The following EVI5 variants were observed in gnomAD, a reference collection of about 807,000 sequenced individuals.
The protein encoded by EVI5 is ecotropic viral integration site 5, also known as ecotropic viral integration site 5 protein homolog.
In EVI5, 73 loss-of-function variants were observed where a neutral mutation model predicts 112.0. That is an observed-to-expected ratio of 0.65 (90% CI 0.54 to 0.79). The LOEUF is 0.79. Among genes scored for constraint, EVI5 ranks in the 30% least tolerant of loss-of-function variants. The probability of loss-of-function intolerance (pLI) is 0.00; values close to 1 mark genes in which losing one functional copy is unlikely to be tolerated. For synonymous variants in EVI5, 305 were observed against 319.9 expected, an observed-to-expected ratio of 0.95 and a Z score of 0.50; for missense variants, 900 against 968.8, an observed-to-expected ratio of 0.93 and a Z score of 0.94.
In EVI5 at chr1:92,743,392, AAC is replaced by A. The variant is rs558014546; in HGVS notation, c.-81-6767_-81-6766del. Among the ~76,000 whole-genome samples the A allele has an allele frequency of 1.1e-3, 166 of 152,298 alleles. 1 individual carries two copies. Among genetic ancestry groups the A allele is most frequent in the African/African-American group, 3.8e-3 (157 of 41,582 alleles). On this transcript the variant is annotated intron_variant, in intron 1 of 19. Transcript: ENST00000684568. ...GGAAATTCTGACATACCACAACATGAACACACCCTGAGGACATTATACGAAGT... is the reference window on the plus strand; with the variant it reads ...GGAAATTCTGACATACCACAACATGAACACCCTGAGGACATTATACGAAGT...
intron 1 of EVI5, chr1:92,756,640 C>A (rs2102960811): frequency 2.0e-6 from 1 of 504,556 alleles, no homozygotes; most frequent in South Asian, 1.5e-5. Flanking sequence ...AGTCTCCCAG[C>A]CCTCACAGCC....
At chr1:92,746,501 G>C (rs982214085) in intron 1 of EVI5, among the ~76,000 whole-genome samples, 1 of 152,180 alleles carries the variant, frequency 6.6e-6, no homozygotes, top group Non-Finnish European at 1.5e-5. Context: ...CGAGGTGGGT[G>C]GATCACTTGA....
Position 92,605,324 on chromosome 1 carries a change from C to T in EVI5, c.2053G>A (p.Ala685Thr), listed in dbSNP as rs756115347. The T allele has an allele frequency of 3.7e-6, 6 of 1,610,404 alleles. No homozygotes were observed. Among genetic ancestry groups the T allele is most frequent in the Non-Finnish European group, 5.1e-6 (6 of 1,176,808 alleles). ...TATGGTACCTGGATTTCAAGCTCAG[C>T]AATGTGTTGTCGTAGTTCAGCCACA... ...AAVAELRQHIAELEIQKEEGK... is the reference protein window; with the variant it reads ...AAVAELRQHITELEIQKEEGK... The change falls in exon 18 of 20, where the codon GCT (alanine) becomes ACT (threonine). Residue 685 changes from alanine to threonine, a missense_variant. Physicochemically the swap from Ala to Thr is moderately conservative, Grantham distance 58. Coordinates refer to ENST00000684568, the MANE Select transcript of EVI5 (RefSeq NM_001350197.2).
At chr1:92,695,187 T>C (rs1047728568) in intron 7 of EVI5, 123 bp downstream of exon 7, 1 of 701,854 alleles carries the variant, frequency 1.4e-6, no homozygotes, top group South Asian at 2.1e-5. Flanking sequence ...AATGAGATTA[T>C]CCATGTAAGC....
At position 92,583,352 on chromosome 1, in the gene EVI5, A is replaced by T. The variant is rs183025950; in HGVS notation, c.2071-19615T>A. 5.3e-3 allele frequency among the ~76,000 whole-genome samples: 802 copies of T among 151,956 alleles called. 2 individuals are homozygous for T. The highest frequency in any genetic ancestry group is 8.9e-3 in the Non-Finnish European group (607 of 67,942). ...TGGTGAAACTCCATCTCTACTAAAA[A>T]TACAAAAAATTAGCTGGGCATGGTG... On this transcript the variant is annotated intron_variant, in intron 18 of 19. Coordinates refer to ENST00000684568, the MANE Select transcript of EVI5 (RefSeq NM_001350197.2).
chr1:92,525,196 T>C (rs933165983), intron 19 of EVI5, among the ~76,000 whole-genome samples: 1 of 151,230 alleles, frequency 6.6e-6, no homozygotes, highest in African/African-American at 2.4e-5. Context: ...TGTGCGTGTG[T>C]GGTAGGTTGC....
intron 19 of EVI5, among the ~76,000 whole-genome samples, chr1:92,560,567 TG>T (rs1203386336): frequency 1.3e-5 from 2 of 152,136 alleles, no homozygotes; most frequent in Non-Finnish European, 2.9e-5. Flanking sequence ...CTTTTTTTTT[TG>T]AGACAGGGTC....
At chr1:92,736,726 G>T (rs1373842576) in intron 1 of EVI5, 99 bp from the exon 2 acceptor site, 9 of 829,332 alleles carry the variant, frequency 1.1e-5, no homozygotes, top group Admixed American at 2.0e-5. Context: ...ACCATCATCA[G>T]AATATTCTCT....
At chr1:92,779,471 G>A (rs1316291018) in intron 1 of EVI5, among the ~76,000 whole-genome samples, 1 of 151,580 alleles carries the variant, frequency 6.6e-6, no homozygotes, top group Non-Finnish European at 1.5e-5. Flanking sequence ...GCAGTGAGCC[G>A]AGATCACGCC....
At chr1:92,612,001 T>G (rs555278945) in intron 16 of EVI5, among the ~76,000 whole-genome samples, 61 of 152,024 alleles carry the variant, frequency 4.0e-4, no homozygotes, top group African/African-American at 1.4e-3. Flanking sequence ...CCAGATAAGC[T>G]CTGACTCCAT....
intron 19 of EVI5, among the ~76,000 whole-genome samples, chr1:92,528,897 C>T (rs1662378568): frequency 2.6e-5 from 4 of 152,104 alleles, no homozygotes; most frequent in Admixed American, 2.0e-4. Context: ...ATTCATCAAG[C>T]TAGATACTTA....
intron 13 of EVI5, among the ~76,000 whole-genome samples, chr1:92,662,097 G>A (rs1409643300): frequency 1.3e-5 from 2 of 152,136 alleles, no homozygotes; most frequent in Non-Finnish European, 2.9e-5. Context: ...ACCCTAGGTT[G>A]ATTAAGATAA....
intron 10 of EVI5, among the ~76,000 whole-genome samples, chr1:92,674,061 C>A (rs1170532007): frequency 3.3e-5 from 5 of 151,988 alleles, no homozygotes; most frequent in African/African-American, 1.2e-4. Context: ...TTAAAAAGAA[C>A]CAAGGCAAGA....
At chr1:92,643,799 T>C (rs1660445601) in intron 13 of EVI5, among the ~76,000 whole-genome samples, 1 of 152,228 alleles carries the variant, frequency 6.6e-6, no homozygotes, top group African/African-American at 2.4e-5. Context: ...AGCATATCAC[T>C]GTACCAATAG....
In EVI5 at chr1:92,785,066, G is replaced by T; in HGVS notation, c.-312C>A. On this transcript the variant is annotated 5_prime_UTR_variant, in exon 1 of 20. It adds an upstream start codon to the 5' untranslated region. Transcript: ENST00000684568. ...CAGCCAGCCCCTTGCCAGCTGGCCA[G>T]CTGGTTCCTCCGGGGTCCGGCCCGG... 2.0e-6 allele frequency: 2 copies of T among 985,552 alleles called. No individual in the cohort carries two copies. The highest frequency in any genetic ancestry group is 2.4e-6 in the Non-Finnish European group (2 of 830,044). The allele number at this position is 985,552 out of a possible 1,614,324, so 61.1% of individuals were successfully genotyped here.
intron 2 of EVI5, among the ~76,000 whole-genome samples, chr1:92,718,783 T>C (rs550976606): frequency 1.1e-3 from 168 of 151,956 alleles, no homozygotes; most frequent in African/African-American, 3.7e-3. Context: ...ATCAACAAAA[T>C]TGATAGACCT....
rs1004568823 is a variant in EVI5, at chr1:92,539,309, G to A, written c.2166+24333C>T. Among the ~76,000 whole-genome samples, 11 of 152,226 alleles carry A rather than the reference G, an allele frequency of 7.2e-5. No individual in the cohort carries two copies. The East Asian group carries it at 1.7e-3, about 24-fold the overall frequency. On this transcript the variant is annotated intron_variant, in intron 19 of 19. Coordinates refer to ENST00000684568, the MANE Select transcript of EVI5 (RefSeq NM_001350197.2). Reference sequence around the variant, plus strand: ...TATAATCCCAACACTTTGGGAGGCCGAGGCGGGCGGATCACGAGGTCAGGA... The same window carrying A: ...TATAATCCCAACACTTTGGGAGGCCAAGGCGGGCGGATCACGAGGTCAGGA...
In EVI5 at chr1:92,545,011, C is replaced by T. The variant is rs549127809; in HGVS notation, c.2166+18631G>A. 3.9e-5 allele frequency among the ~76,000 whole-genome samples: 6 copies of T among 152,234 alleles called. No homozygotes were observed. The East Asian group carries it at 9.6e-4, about 24-fold the overall frequency. The stretch of plus-strand genomic sequence containing the variant: ...GTGGGGAGTGAAAATCTGACTATCT[C>T]GTGTCCACCTGCATCTGTAAGATAT... On this transcript the variant is annotated intron_variant, in intron 19 of 19. Coordinates refer to ENST00000684568, the MANE Select transcript of EVI5 (RefSeq NM_001350197.2).
At chr1:92,607,535 A>ATT in intron 17 of EVI5, 46 bp downstream of exon 17, 1 of 1,343,300 alleles carries the variant, frequency 7.4e-7, no homozygotes. Flanking sequence ...AAAAAAAGGC[A>ATT]TTATTATATT....
Sources: allele counts gnomAD v4.1 joint callset (sites outside exome capture counted in the v4.1 genomes callset), GRCh38; gene constraint gnomAD v4.1.1; transcripts MANE v1.5; gene names NCBI Gene and HGNC (gene_info 2026-07-23, HGNC 2026-07-21).